EXOC6B: variants seen among roughly 807,000 people sequenced by gnomAD.
EXOC6B encodes the protein exocyst complex component 6B.
Under a neutral mutation model 113.5 loss-of-function variants are expected in EXOC6B, and 54 were observed. That is an observed-to-expected ratio of 0.48 (90% CI 0.38 to 0.60). The LOEUF is 0.60. Ranked by LOEUF, EXOC6B falls within the 20% of genes least tolerant of loss-of-function variation. The pLI is 0.00. For synonymous variants in EXOC6B, 357 were observed against 339.0 expected, an observed-to-expected ratio of 1.05 and a Z score of -0.58; for missense variants, 797 against 977.5, an observed-to-expected ratio of 0.82 and a Z score of 2.46.
At chr2:72,515,796 T>C (rs200203034) in intron 8 of EXOC6B, 1 of 920,016 alleles carries the variant, frequency 1.1e-6, no homozygotes, top group East Asian at 1.2e-4. Context: ...AACTTCAGAA[T>C]GCAACCATAT....
In EXOC6B at chr2:72,599,155, C is replaced by T. The variant is rs146665500; in HGVS notation, c.670-23487G>A. ...TAATGAACACTGATGTAAACACCCT[C>T]AACAAAATATAGTAATGCAAATCCA... On this transcript the variant is annotated intron_variant, in intron 6 of 21. Coordinates refer to ENST00000272427, the MANE Select transcript of EXOC6B (RefSeq NM_015189.3). Among the ~76,000 whole-genome samples, 488 of 152,110 alleles carry T rather than the reference C, an allele frequency of 3.2e-3. 2 individuals are homozygous for T. Among genetic ancestry groups the T allele is most frequent in the African/African-American group, 0.011 (464 of 41,538 alleles).
intron 6 of EXOC6B, among the ~76,000 whole-genome samples, chr2:72,717,432 T>A (rs878885893): frequency 1.3e-5 from 2 of 152,138 alleles, no homozygotes; most frequent in Admixed American, 6.5e-5. Context: ...ATACTAAAAA[T>A]TTTTAATAAA....
intron 6 of EXOC6B, among the ~76,000 whole-genome samples, chr2:72,671,694 G>A (rs532741240): frequency 4.9e-4 from 72 of 147,242 alleles, no homozygotes; most frequent in African/African-American, 1.6e-3. Flanking sequence ...GCAAAACTCC[G>A]TCAAAAAAGA....
At chr2:72,351,343 A>T (rs1441995150) in intron 19 of EXOC6B, among the ~76,000 whole-genome samples, 4 of 152,218 alleles carry the variant, frequency 2.6e-5, no homozygotes, top group Admixed American at 2.0e-4. Flanking sequence ...GCTTAACAAT[A>T]GCGACGTAAG....
chr2:72,513,359 G>A, intron 10 of EXOC6B, 107 bp from the exon 11 acceptor site: 3 of 1,406,290 alleles, frequency 2.1e-6, no homozygotes, highest in Admixed American at 2.3e-5. Context: ...AAAGTTAGTG[G>A]TCATTTTTTT....
At chr2:72,310,763 T>C (rs1687137116) in intron 20 of EXOC6B, among the ~76,000 whole-genome samples, 1 of 152,114 alleles carries the variant, frequency 6.6e-6, no homozygotes, top group Admixed American at 6.6e-5. Flanking sequence ...GATATGTCAA[T>C]GTTGGCTTTA....
intron 7 of EXOC6B, 98 bp from the exon 8 acceptor site, chr2:72,559,619 G>T: frequency 2.3e-6 from 2 of 867,014 alleles, no homozygotes. Context: ...TTTTATAAAG[G>T]CCAGTTCTAG....
intron 6 of EXOC6B, among the ~76,000 whole-genome samples, chr2:72,596,285 A>G (rs1670075168): frequency 6.6e-6 from 1 of 152,188 alleles, no homozygotes; most frequent in South Asian, 2.1e-4. Flanking sequence ...TTAGAGAGAC[A>G]GGTGAATACA....
At chr2:72,732,419 C>T (rs981878261) in intron 3 of EXOC6B, among the ~76,000 whole-genome samples, 2 of 152,134 alleles carry the variant, frequency 1.3e-5, no homozygotes, top group Non-Finnish European at 2.9e-5. Context: ...ACCTCATCCT[C>T]CCAAAGCACT....
intron 20 of EXOC6B, among the ~76,000 whole-genome samples, chr2:72,242,967 T>G (rs1682415393): frequency 6.6e-6 from 1 of 152,198 alleles, no homozygotes; most frequent in Non-Finnish European, 1.5e-5. Flanking sequence ...ACTCTTGGGC[T>G]TAAGAGATCC....
At chr2:72,344,111 C>CT (rs1391883976) in intron 19 of EXOC6B, among the ~76,000 whole-genome samples, 1 of 152,140 alleles carries the variant, frequency 6.6e-6, no homozygotes, top group African/African-American at 2.4e-5. Flanking sequence ...GTTCTGTTTA[C>CT]TTTTTTCAAT....
In EXOC6B at chr2:72,825,093, G is replaced by A. The variant is rs1176182650; in HGVS notation, c.113+705C>T. Among the ~76,000 whole-genome samples the A allele has an allele frequency of 2.6e-5, 4 of 152,172 alleles. No homozygotes were observed. The highest frequency in any genetic ancestry group is 6.5e-5 in the Admixed American group (1 of 15,280). ...AGTGCTACCTAAATTTGTTAAATAA[G>A]TTGAGGTAAGTAGGGATTTCTTTTG... On this transcript the variant is annotated intron_variant, in intron 1 of 21. Coordinates refer to ENST00000272427, the MANE Select transcript of EXOC6B (RefSeq NM_015189.3). This position sits in a 1 kb window ranked among gnomAD's most constrained non-coding sequence, Gnocchi z 4.4.
intron 1 of EXOC6B, among the ~76,000 whole-genome samples, chr2:72,790,078 T>C (rs371203501): frequency 9.4e-4 from 143 of 152,288 alleles, no homozygotes; most frequent in African/African-American, 3.3e-3. Flanking sequence ...CAGGGCTGAC[T>C]AGGAAAAAGA....
intron 20 of EXOC6B, among the ~76,000 whole-genome samples, chr2:72,275,920 C>T (rs970949481): frequency 3.9e-5 from 6 of 152,132 alleles, no homozygotes; most frequent in African/African-American, 1.2e-4. Flanking sequence ...AGAGGCCACT[C>T]GGAGTTCATG....
At chr2:72,524,864 T>C (rs1469776831) in intron 8 of EXOC6B, among the ~76,000 whole-genome samples, 2 of 152,226 alleles carry the variant, frequency 1.3e-5, no homozygotes, top group Non-Finnish European at 2.9e-5. Flanking sequence ...AGATAATTTA[T>C]CATTAAAAAT....
chr2:72,192,139 C>T (rs1046244887), intron 20 of EXOC6B, among the ~76,000 whole-genome samples: 4 of 152,132 alleles, frequency 2.6e-5, no homozygotes, highest in Non-Finnish European at 5.9e-5. Flanking sequence ...TCATCTCCCA[C>T]GTAGACAGGA....
At position 72,321,825 on chromosome 2, in the gene EXOC6B, G is replaced by A. The variant is rs565876143; in HGVS notation, c.2196+13122C>T. Among the ~76,000 whole-genome samples, 10 of 152,194 alleles carry A rather than the reference G, an allele frequency of 6.6e-5. 1 individual carries two copies. The South Asian group carries it at 1.7e-3, about 25-fold the overall frequency. The stretch of plus-strand genomic sequence containing the variant: ...TGGTAGTGGTAATACAACTGTGTAA[G>A]TTTGTAAAAAAATTTATAAAGCTGT... On this transcript the variant is annotated intron_variant, in intron 20 of 21. Transcript: ENST00000272427.
chr2:72,630,890 CA>C lies in EXOC6B; in HGVS notation c.670-55223del, dbSNP rs777628493. On this transcript the variant is annotated intron_variant, in intron 6 of 21. Coordinates refer to ENST00000272427, the MANE Select transcript of EXOC6B (RefSeq NM_015189.3). Reference sequence around the variant, plus strand: ...AAGTGCCAATCTCAGGAGGAAGTAGCAATATGAGTAATCATGTAGTGACACG... The same window carrying C: ...AAGTGCCAATCTCAGGAGGAAGTAGCATATGAGTAATCATGTAGTGACACG... Among the ~76,000 whole-genome samples, 189 of 152,160 alleles carry C rather than the reference CA, an allele frequency of 1.2e-3. 1 individual carries two copies. Among genetic ancestry groups the C allele is most frequent in the African/African-American group, 4.2e-3 (174 of 41,520 alleles).
Position 72,495,468 on chromosome 2 carries a change from G to C in EXOC6B, c.1515C>G (p.Ile505Met), listed in dbSNP as rs748047858. ...PKVYNQIKEF[I>M]YACLKFSEDL... ...CTTCTGAAAACTTCAGACAAGCGTA[G>C]ATAAATTCTTTAATTTGGTTGTAAA... Residue 505 changes from isoleucine (I) to methionine (M), a missense_variant, in exon 15 of 22, where the codon ATC (isoleucine) becomes ATG (methionine). Transcript: ENST00000272427. 1 of 1,606,818 alleles carries C rather than the reference G, an allele frequency of 6.2e-7. No individual in the cohort carries two copies. Among genetic ancestry groups the C allele is most frequent in the South Asian group, 1.1e-5 (1 of 89,996 alleles).
Sources: allele counts gnomAD v4.1 joint callset (sites outside exome capture counted in the v4.1 genomes callset), GRCh38; gene constraint gnomAD v4.1.1; non-coding constraint Gnocchi (gnomAD v3.1); transcripts MANE v1.5; gene names NCBI Gene and HGNC (gene_info 2026-07-23, HGNC 2026-07-21).